Variants in NLGN1 observed in about 807,000 individuals in gnomAD.
NLGN1 encodes neuroligin-1.
In NLGN1, 12 loss-of-function variants were observed where a neutral mutation model predicts 65.5. The ratio of observed to expected loss-of-function variants is 0.18; its 90% confidence interval spans 0.12 to 0.30. The LOEUF is 0.30. Ranked by LOEUF, NLGN1 falls within the 10% of genes least tolerant of loss-of-function variation. NLGN1 has a pLI of 1.00. For synonymous variants in NLGN1, 350 were observed against 359.5 expected (o/e 0.97, Z 0.30); for missense variants, 750 against 1,007.1 (o/e 0.74, Z 3.46).
At chr3:174,094,587 T>G (rs1745109995) in intron 4 of NLGN1, among the ~76,000 whole-genome samples, 2 of 152,048 alleles carry the variant, frequency 1.3e-5, no homozygotes, top group Non-Finnish European at 2.9e-5. Context: ...ACAAAGCCTA[T>G]TCTTTCTTTC....
chr3:174,289,729 ATATTT>A (rs1170605937), downstream of NLGN1, among the ~76,000 whole-genome samples: 1 of 150,844 alleles, frequency 6.6e-6, no homozygotes, highest in East Asian at 1.9e-4. Context: ...ATAAAACAAA[ATATTT>A]TAAAGTGAAA....
intron 2 of NLGN1, among the ~76,000 whole-genome samples, chr3:173,524,222 G>A (rs1165783155): frequency 6.6e-6 from 1 of 151,792 alleles, no homozygotes; most frequent in Non-Finnish European, 1.5e-5. Flanking sequence ...CACTGTGCCC[G>A]GCCTCATATA....
At chr3:174,202,318 C>T (rs1734644103) in intron 4 of NLGN1, among the ~76,000 whole-genome samples, 1 of 152,106 alleles carries the variant, frequency 6.6e-6, no homozygotes, top group Non-Finnish European at 1.5e-5. Context: ...CTGCTAATGA[C>T]CTAGCAGGTT....
At chr3:173,654,196 A>G (rs1759629827) in intron 3 of NLGN1, among the ~76,000 whole-genome samples, 1 of 152,072 alleles carries the variant, frequency 6.6e-6, no homozygotes, top group Non-Finnish European at 1.5e-5. Context: ...TAATTTTTAA[A>G]CTTTCCGCTT....
intron 3 of NLGN1, among the ~76,000 whole-genome samples, chr3:173,750,215 C>T (rs529308025): frequency 2.0e-5 from 3 of 152,120 alleles, no homozygotes; most frequent in South Asian, 2.1e-4. Context: ...CCCTTATAGC[C>T]CTGCTCATTA....
intron 4 of NLGN1, among the ~76,000 whole-genome samples, chr3:174,006,686 T>G (rs1481979055): frequency 6.6e-6 from 1 of 152,122 alleles, no homozygotes; most frequent in Admixed American, 6.5e-5. Flanking sequence ...TCAGAATGTA[T>G]TTGGAGAGAG....
At chr3:173,728,511 G>A (rs1772215100) in intron 3 of NLGN1, among the ~76,000 whole-genome samples, 1 of 151,966 alleles carries the variant, frequency 6.6e-6, no homozygotes, top group Non-Finnish European at 1.5e-5. Context: ...GGGTTGAATA[G>A]TGCCCCCCCT....
chr3:173,818,922 A>G (rs1281714115), intron 4 of NLGN1, among the ~76,000 whole-genome samples: 2 of 17,524 alleles, frequency 1.1e-4, no homozygotes, highest in Admixed American at 5.3e-4. Flanking sequence ...CCAGTAAGGA[A>G]CTAAGGGAGT....
chr3:173,502,485 G>A (rs1731301890), intron 2 of NLGN1, among the ~76,000 whole-genome samples: 1 of 152,088 alleles, frequency 6.6e-6, no homozygotes, highest in Non-Finnish European at 1.5e-5. Flanking sequence ...GATGTTGCCA[G>A]AATTTCATTT....
intron 4 of NLGN1, among the ~76,000 whole-genome samples, chr3:174,116,211 C>T (rs1380296473): frequency 6.6e-6 from 1 of 151,788 alleles, no homozygotes; most frequent in Non-Finnish European, 1.5e-5. Context: ...ATTCTCATTG[C>T]TGTACACCAC....
downstream of NLGN1, among the ~76,000 whole-genome samples, chr3:174,290,754 T>C (rs1039103884): frequency 1.3e-5 from 2 of 151,042 alleles, no homozygotes; most frequent in Admixed American, 6.6e-5. Context: ...GCTGATTAAA[T>C]ACTGGGAATA....
At chr3:174,238,211 C>T (rs1206705163) in intron 4 of NLGN1, among the ~76,000 whole-genome samples, 6 of 152,104 alleles carry the variant, frequency 3.9e-5, no homozygotes, top group African/African-American at 1.4e-4. Context: ...CTAATTTGTA[C>T]TTGCTAATTG....
At chr3:174,056,428 A>G (rs890964249) in intron 4 of NLGN1, among the ~76,000 whole-genome samples, 1 of 151,988 alleles carries the variant, frequency 6.6e-6, no homozygotes, top group East Asian at 1.9e-4. Flanking sequence ...GTCATATAAA[A>G]TGATTATTCT....
intron 2 of NLGN1, among the ~76,000 whole-genome samples, chr3:173,476,093 C>T (rs1560307010): frequency 6.6e-6 from 1 of 152,024 alleles, no homozygotes; most frequent in Non-Finnish European, 1.5e-5. Flanking sequence ...GGAGAATTAC[C>T]TAAGGAGAAG....
chr3:173,443,967 C>T (rs1014762522), intron 2 of NLGN1, among the ~76,000 whole-genome samples: 4 of 152,096 alleles, frequency 2.6e-5, no homozygotes, highest in African/African-American at 7.2e-5. Flanking sequence ...AAGATTGTAT[C>T]GATACTTCGG....
At chr3:173,847,674 C>A (rs1246069132) in intron 4 of NLGN1, among the ~76,000 whole-genome samples, 1 of 152,050 alleles carries the variant, frequency 6.6e-6, no homozygotes, top group Non-Finnish European at 1.5e-5. Context: ...GAGTTTGAGA[C>A]CAGCCTGGCC....
intron 3 of NLGN1, among the ~76,000 whole-genome samples, chr3:173,800,976 C>T (rs1418374539): frequency 3.3e-5 from 5 of 151,898 alleles, no homozygotes; most frequent in Admixed American, 2.0e-4. Context: ...CATTGTACAA[C>T]CATTTAAGTA....
At chr3:173,534,237 A>T (rs56139456) in intron 2 of NLGN1, among the ~76,000 whole-genome samples, 6,099 of 152,238 alleles carry the variant, frequency 0.04, 145 homozygotes, top group Non-Finnish European at 0.064. Flanking sequence ...TAAACAACAT[A>T]TTACTTTTCA....
intron 2 of NLGN1, among the ~76,000 whole-genome samples, chr3:173,528,044 G>A (rs545782847): frequency 3.7e-4 from 57 of 152,290 alleles, no homozygotes; most frequent in Non-Finnish European, 6.5e-4. Flanking sequence ...GCTTTATAGG[G>A]TCTTCTATGA....
Sources: gnomAD v4.1 joint callset for allele counts (sites outside exome capture counted in the v4.1 genomes callset) on GRCh38, gnomAD v4.1.1 for gene constraint, MANE v1.5 for transcripts, NCBI Gene and HGNC (gene_info 2026-07-23, HGNC 2026-07-21) for gene names.